KIRREL3: variants seen among roughly 807,000 people sequenced by gnomAD.
KIRREL3 encodes kin of IRRE-like protein 3.
In KIRREL3, 36 loss-of-function variants were observed where a neutral mutation model predicts 89.7. That is an observed-to-expected ratio of 0.40 (90% CI 0.31 to 0.53). The LOEUF (loss-of-function observed/expected upper bound fraction) is 0.53, where lower values mean the gene tolerates loss of function less well. Ranked by LOEUF, KIRREL3 falls within the 20% of genes least tolerant of loss-of-function variation. The pLI, the probability that KIRREL3 is intolerant of heterozygous loss-of-function variation, is 0.49. For missense variants in KIRREL3, 864 were observed against 1,056.6 expected (o/e 0.82, Z 2.53); for synonymous variants, 445 against 441.4 (o/e 1.01, Z -0.10).
rs142056395 is a variant in KIRREL3 at position 126,440,376 on chromosome 11, C to T, written c.1353+73G>A. The T allele has an allele frequency of 2.9e-4, 401 of 1,359,934 alleles. 1 individual carries two copies. The East Asian group carries it at 9.3e-3, about 31-fold the overall frequency. The allele number at this position is 1,359,934 out of a possible 1,614,324, so 84.2% of individuals were successfully genotyped here. ...TCGGAGGTGTGCACCGCCTGGCTGG[C>T]CACCCAGGTATTGGCAAAAGTGACT... is the stretch of plus-strand genomic sequence containing the variant. On this transcript the variant is annotated intron_variant, in intron 11 of 16. Transcript: ENST00000525144.
chr11:126,444,824 T>C (rs1955726612), intron 10 of KIRREL3, among the ~76,000 whole-genome samples, 155 bp downstream of exon 10: 1 of 152,102 alleles, frequency 6.6e-6, no homozygotes, highest in Admixed American at 6.5e-5. Context: ...TGACGGGGAA[T>C]CCAGGAGGTG....
chr11:126,886,615 A>G (rs1196023762), intron 1 of KIRREL3, among the ~76,000 whole-genome samples: 1 of 152,138 alleles, frequency 6.6e-6, no homozygotes, highest in Non-Finnish European at 1.5e-5. Flanking sequence ...TTGATCTCTC[A>G]ATTATAGTTA....
intron 1 of KIRREL3, among the ~76,000 whole-genome samples, chr11:126,818,218 G>A (rs1951647682): frequency 1.3e-5 from 2 of 152,174 alleles, no homozygotes; most frequent in African/African-American, 4.8e-5. Flanking sequence ...TTTCACAGCT[G>A]GGGAAAGGAA....
chr11:126,478,565 GTA>G (rs1256349123), intron 4 of KIRREL3, among the ~76,000 whole-genome samples: 7 of 152,056 alleles, frequency 4.6e-5, no homozygotes, highest in South Asian at 4.2e-4. Context: ...GTGTGTATGT[GTA>G]TATATGTGTG....
intron 1 of KIRREL3, among the ~76,000 whole-genome samples, chr11:126,934,583 T>C (rs1948097712): frequency 1.3e-5 from 2 of 152,172 alleles, no homozygotes; most frequent in African/African-American, 2.4e-5. Flanking sequence ...TATAGGAAAC[T>C]CTTAAAATAT....
chr11:126,661,510 C>T (rs1591904478), intron 1 of KIRREL3, among the ~76,000 whole-genome samples: 1 of 152,214 alleles, frequency 6.6e-6, no homozygotes, highest in South Asian at 2.1e-4. Context: ...CTCATGGAAT[C>T]GTTTCTATGT....
intron 1 of KIRREL3, among the ~76,000 whole-genome samples, chr11:126,804,578 T>C (rs574443775): frequency 9.2e-5 from 14 of 152,290 alleles, no homozygotes; most frequent in African/African-American, 3.4e-4. Flanking sequence ...TTTCTGAAAC[T>C]GGTTTTTGGT....
intron 11 of KIRREL3, 128 bp from the exon 12 acceptor site, chr11:126,437,137 C>A: frequency 1.2e-6 from 1 of 834,190 alleles, no homozygotes; most frequent in South Asian, 2.1e-5. Context: ...CATGTGCACA[C>A]GGGTATGTAT....
chr11:126,457,265 A>G (rs1022070880), intron 6 of KIRREL3, among the ~76,000 whole-genome samples: 4 of 141,876 alleles, frequency 2.8e-5, no homozygotes, highest in African/African-American at 8.0e-5. Context: ...GTGTGTATGC[A>G]TGTGTGTGTA....
chr11:126,700,943 G>A (rs1325445644), intron 1 of KIRREL3, among the ~76,000 whole-genome samples: 1 of 152,180 alleles, frequency 6.6e-6, no homozygotes, highest in Non-Finnish European at 1.5e-5. Context: ...TGTAGACAAA[G>A]CTAGAATTAA....
chr11:126,848,109 G>C (rs7929003), intron 1 of KIRREL3, among the ~76,000 whole-genome samples: 3 of 152,130 alleles, frequency 2.0e-5, no homozygotes, highest in Non-Finnish European at 4.4e-5. Flanking sequence ...AGGAGCCCAG[G>C]TCATCTTGGG....
rs1565454138 is a variant in KIRREL3, at chr11:126,442,279, AAAAAC to A, written c.1253-1735_1253-1731del. Among the ~76,000 whole-genome samples, 180 of 113,590 alleles carry A rather than the reference AAAAAC, an allele frequency of 1.6e-3. 15 individuals carry two copies. Among genetic ancestry groups the A allele is most frequent in the Middle Eastern group, 4.7e-3 (1 of 214 alleles). 74.5% of individuals were successfully genotyped at this position (113,590 alleles called of 152,430 possible). A position where few individuals can be genotyped will look rare whatever the true frequency, so the allele number is the denominator to read the frequency against. ...CCAGCTCAAAAAAAAAAAACAAAAA[AAAAAC>A]AAAAAACCCAACATGCACAGACACA... On this transcript the variant is annotated intron_variant, in intron 10 of 16. Coordinates refer to ENST00000525144, the MANE Select transcript of KIRREL3 (RefSeq NM_032531.4).
At chr11:126,751,208 C>T (rs1309039289) in intron 1 of KIRREL3, among the ~76,000 whole-genome samples, 2 of 152,216 alleles carry the variant, frequency 1.3e-5, no homozygotes, top group Non-Finnish European at 2.9e-5. Flanking sequence ...ATCCACTCCT[C>T]TAGGTCTAAA....
chr11:126,461,451 G>A (rs1956538446), intron 6 of KIRREL3, among the ~76,000 whole-genome samples: 2 of 152,180 alleles, frequency 1.3e-5, no homozygotes, highest in Admixed American at 6.5e-5. Flanking sequence ...CCAGAGCTCC[G>A]CGGCCCTGGC....
At chr11:126,957,552 T>C (rs997994599) in intron 1 of KIRREL3, among the ~76,000 whole-genome samples, 1 of 152,230 alleles carries the variant, frequency 6.6e-6, no homozygotes, top group East Asian at 1.9e-4. Flanking sequence ...CCTCTAGCAC[T>C]GCCAGCTCTG....
chr11:126,895,956 C>T (rs568245010), intron 1 of KIRREL3, among the ~76,000 whole-genome samples: 28 of 152,284 alleles, frequency 1.8e-4, no homozygotes, highest in Admixed American at 1.0e-3. Context: ...GTCACTAGAG[C>T]GAATGGCAAA....
chr11:126,561,620 G>A lies in KIRREL3; in HGVS notation c.133+1215C>T, dbSNP rs1229896641. On this transcript the variant is annotated intron_variant, in intron 2 of 16. Transcript: ENST00000525144. The surrounding 1 kb of genome is among the most constrained non-coding windows in gnomAD (Gnocchi z 4.5). ...AAAGGCAACTGACTAGCAGGACACAGAAAATGCGGCCCCCAACTCTGGTTG... is the reference window on the plus strand; with the variant it reads ...AAAGGCAACTGACTAGCAGGACACAAAAAATGCGGCCCCCAACTCTGGTTG... Among the ~76,000 whole-genome samples the A allele has an allele frequency of 6.6e-5, 10 of 152,298 alleles. No homozygotes were observed. In the South Asian group the frequency reaches 1.9e-3, roughly 28 times the overall value.
At chr11:126,667,228 A>G (rs1945705818) in intron 1 of KIRREL3, among the ~76,000 whole-genome samples, 1 of 152,244 alleles carries the variant, frequency 6.6e-6, no homozygotes, top group African/African-American at 2.4e-5. Context: ...GCAAAAGTCC[A>G]TTTCCATTCC....
Position 126,564,674 on chromosome 11 carries a change from C to A in KIRREL3, c.56-1762G>T, listed in dbSNP as rs567749895. ...GGCCTTGGCCCTTTCTTCAGGGGCT[C>A]CTGCTCTGTCGCAGGCCTCATGGAT... is the stretch of plus-strand genomic sequence containing the variant. On this transcript the variant is annotated intron_variant, in intron 1 of 16. Coordinates refer to ENST00000525144, the MANE Select transcript of KIRREL3 (RefSeq NM_032531.4). The surrounding 1 kb of genome is among the most constrained non-coding windows in gnomAD (Gnocchi z 7.4). Among the ~76,000 whole-genome samples the A allele has an allele frequency of 8.5e-5, 13 of 152,308 alleles. No individual in the cohort carries two copies. The highest frequency in any genetic ancestry group is 3.9e-4 in the East Asian group (2 of 5,172).
Sources: allele counts gnomAD v4.1 joint callset (sites outside exome capture counted in the v4.1 genomes callset), GRCh38; gene constraint gnomAD v4.1.1; non-coding constraint Gnocchi (gnomAD v3.1); transcripts MANE v1.5; gene names NCBI Gene and HGNC (gene_info 2026-07-23, HGNC 2026-07-21).